WASF3: variants seen among roughly 807,000 people sequenced by gnomAD.
The protein encoded by WASF3 is WASP family member 3.
WASF3 carries 11 observed loss-of-function variants against 46.6 expected under a neutral mutation model. The ratio of observed to expected loss-of-function variants is 0.24; its 90% CI spans 0.15 to 0.39. The LOEUF is 0.39. Ranked by LOEUF, WASF3 falls within the 10% of genes least tolerant of loss-of-function variation. WASF3 has a pLI of 1.00. For missense variants in WASF3, 576 were observed against 669.8 expected, an observed-to-expected ratio of 0.86 and a Z score of 1.55; for synonymous variants, 242 against 259.7, an observed-to-expected ratio of 0.93 and a Z score of 0.65.
At chr13:26,668,161 C>G (rs1358837551) in intron 5 of WASF3, among the ~76,000 whole-genome samples, 4 of 152,164 alleles carry the variant, frequency 2.6e-5, no homozygotes, top group African/African-American at 9.7e-5. Context: ...CCTTCTGTTA[C>G]TGGAAAATGG....
chr13:26,640,172 C>T (rs1881953007), intron 2 of WASF3, among the ~76,000 whole-genome samples: 1 of 152,052 alleles, frequency 6.6e-6, no homozygotes, highest in Admixed American at 6.6e-5. Context: ...CCCCATGATC[C>T]AAAAGTTTCC....
chr13:26,644,287 T>C (rs1593166839), intron 3 of WASF3, among the ~76,000 whole-genome samples: 1 of 152,252 alleles, frequency 6.6e-6, no homozygotes, highest in Non-Finnish European at 1.5e-5. Context: ...TTCTGACTTC[T>C]GACATCCAGA....
chr13:26,539,546 A>C, the WASF3 span, among the ~76,000 whole-genome samples: 2 of 152,132 alleles, frequency 1.3e-5, no homozygotes, highest in Non-Finnish European at 2.9e-5. Flanking sequence ...CAGATCTGTG[A>C]AAGTCATCTC....
At chr13:26,557,021 C>A (rs1355049120), upstream of WASF3, among the ~76,000 whole-genome samples, 1 of 151,970 alleles carries the variant, frequency 6.6e-6, no homozygotes, top group Non-Finnish European at 1.5e-5. Context: ...GTCATCTGGT[C>A]GCACGTGGCT....
At chr13:26,553,601 A>G (rs1433115981), upstream of WASF3, among the ~76,000 whole-genome samples, 1 of 152,036 alleles carries the variant, frequency 6.6e-6, no homozygotes, top group Non-Finnish European at 1.5e-5. Context: ...GCGGATCATG[A>G]GGTCAGGAGA....
intron 1 of WASF3, among the ~76,000 whole-genome samples, chr13:26,569,683 A>G (rs1289291336): frequency 1.3e-5 from 2 of 152,200 alleles, no homozygotes; most frequent in East Asian, 3.9e-4. Flanking sequence ...TACTAAACCC[A>G]GAGGAAGTAG....
At chr13:26,644,070 G>A (rs1882079184) in intron 3 of WASF3, among the ~76,000 whole-genome samples, 1 of 152,204 alleles carries the variant, frequency 6.6e-6, no homozygotes, top group Admixed American at 6.5e-5. Context: ...AAAGGAGGGA[G>A]GTAGAAGAAT....
intron 3 of WASF3, among the ~76,000 whole-genome samples, chr13:26,659,426 A>G (rs367961759): frequency 1.8e-4 from 27 of 152,082 alleles, no homozygotes; most frequent in African/African-American, 5.5e-4. Flanking sequence ...AGGAGCTTAT[A>G]AGTGGTCATC....
At chr13:26,683,609 A>ATTTC in intron 9 of WASF3, among the ~76,000 whole-genome samples, 1 of 152,276 alleles carries the variant, frequency 6.6e-6, no homozygotes, top group Non-Finnish European at 1.5e-5. Flanking sequence ...TAAATGAAAG[A>ATTTC]AAGTGAGCTC....
At chr13:26,670,166 C>G (rs776826828) in intron 5 of WASF3, among the ~76,000 whole-genome samples, 15 of 152,160 alleles carry the variant, frequency 9.9e-5, no homozygotes, top group Non-Finnish European at 1.8e-4. Flanking sequence ...CCATGGAATA[C>G]TATGCAGCCA....
At chr13:26,588,288 G>A (rs1166932625) in intron 1 of WASF3, among the ~76,000 whole-genome samples, 2 of 152,200 alleles carry the variant, frequency 1.3e-5, no homozygotes, top group Non-Finnish European at 2.9e-5. Flanking sequence ...CTCAAATGCT[G>A]TTTGTTTGTA....
At chr13:26,569,293 A>T (rs1879563307) in intron 1 of WASF3, among the ~76,000 whole-genome samples, 1 of 152,228 alleles carries the variant, frequency 6.6e-6, no homozygotes, top group Non-Finnish European at 1.5e-5. Context: ...ACCTAATGGC[A>T]GAATGCACAT....
intron 1 of WASF3, among the ~76,000 whole-genome samples, chr13:26,593,899 T>G (rs1880377377): frequency 6.6e-6 from 1 of 152,214 alleles, no homozygotes; most frequent in South Asian, 2.1e-4. Flanking sequence ...TTAAATCAGT[T>G]CCTTCCTTTG....
intron 4 of WASF3, among the ~76,000 whole-genome samples, chr13:26,666,866 CAAAAA>C (rs1168774717): frequency 1.6e-5 from 1 of 62,808 alleles, no homozygotes; most frequent in Non-Finnish European, 3.3e-5. Context: ...AAGACTGTCT[CAAAAA>C]AAAAAAAAAA....
chr13:26,571,851 C>T (rs1342937772), intron 1 of WASF3, among the ~76,000 whole-genome samples: 3 of 152,184 alleles, frequency 2.0e-5, no homozygotes, highest in East Asian at 3.8e-4. Context: ...CAAGAACAGT[C>T]GAATGTTCGT....
At chr13:26,558,797 G>T (rs1335652036) in intron 1 of WASF3, among the ~76,000 whole-genome samples, 2 of 152,106 alleles carry the variant, frequency 1.3e-5, no homozygotes, top group African/African-American at 4.8e-5. Context: ...ACTACTTTTC[G>T]CAGTTCTTCA....
intron 1 of WASF3, among the ~76,000 whole-genome samples, chr13:26,597,416 T>C (rs1880502430): frequency 6.6e-6 from 1 of 152,200 alleles, no homozygotes; most frequent in African/African-American, 2.4e-5. Flanking sequence ...ATTACAGGCG[T>C]GAGCCACCAC....
At position 26,598,763 on chromosome 13, in the gene WASF3, A is replaced by G. The variant is rs567113965; in HGVS notation, c.-108-14198A>G. Among the ~76,000 whole-genome samples the G allele has an allele frequency of 2.6e-5, 4 of 152,328 alleles. No homozygotes were observed. In the South Asian group the frequency reaches 6.2e-4, roughly 24 times the overall value. On this transcript the variant is annotated intron_variant, in intron 1 of 9. Transcript: ENST00000335327. Reference sequence around the variant, plus strand: ...GTGGTGGGAGATTTCTCTTTGTTTTATAGCTTGGCTGCTAGCCTTTCTGGA... The same window carrying G: ...GTGGTGGGAGATTTCTCTTTGTTTTGTAGCTTGGCTGCTAGCCTTTCTGGA...
At chr13:26,646,149 A>G (rs1289259412) in intron 3 of WASF3, among the ~76,000 whole-genome samples, 1 of 152,228 alleles carries the variant, frequency 6.6e-6, no homozygotes, top group African/African-American at 2.4e-5. Context: ...ACTAGCACAT[A>G]GTAAATGATG....
Sources: allele counts gnomAD v4.1 joint callset (sites outside exome capture counted in the v4.1 genomes callset), GRCh38; gene constraint gnomAD v4.1.1; transcripts MANE v1.5; gene names NCBI Gene and HGNC (gene_info 2026-07-23, HGNC 2026-07-21).